The following MIR2052HG variants were observed in gnomAD, a reference collection of about 807,000 sequenced individuals.
MIR2052HG encodes MIR2052 host gene.
intron 2 of MIR2052HG, among the ~76,000 whole-genome samples, chr8:74,623,624 A>G (rs1808397235): frequency 1.3e-5 from 2 of 152,230 alleles, no homozygotes; most frequent in South Asian, 4.1e-4. Context: ...TCAGGTACTA[A>G]CATAAAACTT....
intron 2 of MIR2052HG, among the ~76,000 whole-genome samples, chr8:74,624,387 A>G (rs1436717132): frequency 6.6e-6 from 1 of 152,218 alleles, no homozygotes; most frequent in Admixed American, 6.5e-5. Context: ...GTTTGATCAG[A>G]TTGACTTTCT....
chr8:74,725,374 C>T (rs1809623094), intron 4 of MIR2052HG, among the ~76,000 whole-genome samples: 1 of 152,128 alleles, frequency 6.6e-6, no homozygotes, highest in African/African-American at 2.4e-5. Flanking sequence ...TAACCTGCAA[C>T]CTTGTATGAT....
intron 4 of MIR2052HG, among the ~76,000 whole-genome samples, chr8:74,737,886 G>T (rs1809783991): frequency 6.6e-6 from 1 of 152,134 alleles, no homozygotes; most frequent in Admixed American, 6.6e-5. Context: ...TAGTGAGACA[G>T]CTTTACCTAC....
intron 2 of MIR2052HG, chr8:74,628,993 G>C (rs984912341): frequency 1.3e-5 from 2 of 152,166 alleles, no homozygotes; most frequent in African/African-American, 4.8e-5. Flanking sequence ...AAATTGTGAA[G>C]GCTTTTTAAA....
At chr8:74,674,000 A>AT (rs1283532827) in intron 2 of MIR2052HG, among the ~76,000 whole-genome samples, 2 of 149,380 alleles carry the variant, frequency 1.3e-5, no homozygotes, top group East Asian at 3.9e-4. Flanking sequence ...GCCTTTTTTT[A>AT]TGTTTTTTTT....
intron 2 of MIR2052HG, among the ~76,000 whole-genome samples, chr8:74,641,155 A>G (rs1359396476): frequency 6.6e-6 from 1 of 152,220 alleles, no homozygotes; most frequent in Non-Finnish European, 1.5e-5. Flanking sequence ...TTCATTAATT[A>G]TTGAAAATGA....
chr8:74,733,651 C>T (rs1293536558), intron 4 of MIR2052HG, among the ~76,000 whole-genome samples: 4 of 141,848 alleles, frequency 2.8e-5, no homozygotes, highest in South Asian at 2.5e-4. Flanking sequence ...CCTGAGGAAT[C>T]GCCACACTGA....
intron 2 of MIR2052HG, among the ~76,000 whole-genome samples, chr8:74,690,839 C>A (rs1440320685): frequency 6.6e-6 from 1 of 151,778 alleles, no homozygotes; most frequent in Non-Finnish European, 1.5e-5. Flanking sequence ...CCGGTACCCA[C>A]AAGGAGGTGT....
At chr8:74,695,513 A>G (rs1809286477) in intron 2 of MIR2052HG, among the ~76,000 whole-genome samples, 1 of 152,172 alleles carries the variant, frequency 6.6e-6, no homozygotes, top group African/African-American at 2.4e-5. Flanking sequence ...AGGATGCAGA[A>G]TGGCAGAATA....
intron 3 of MIR2052HG, chr8:74,702,489 C>A: frequency 2.3e-6 from 1 of 441,764 alleles, no homozygotes; most frequent in East Asian, 7.2e-5. Context: ...TTGCCTGTAC[C>A]TCAATGTCTG....
chr8:74,725,539 A>G (rs1369136884), intron 4 of MIR2052HG, among the ~76,000 whole-genome samples: 2 of 152,206 alleles, frequency 1.3e-5, no homozygotes, highest in Admixed American at 6.6e-5. Flanking sequence ...CATAGATGCC[A>G]GGCACTGGAA....
intron 2 of MIR2052HG, among the ~76,000 whole-genome samples, chr8:74,645,955 A>G (rs187403848): frequency 6.6e-6 from 1 of 152,260 alleles, no homozygotes; most frequent in Admixed American, 6.5e-5. Context: ...TTTTTCATCA[A>G]TGACCCCTAT....
At chr8:74,603,702 C>T (rs1808060349) in intron 1 of MIR2052HG, 2 of 946,078 alleles carry the variant, frequency 2.1e-6, no homozygotes, top group Non-Finnish European at 3.5e-6. Context: ...AGCTGGAAGG[C>T]TTGAGCTGGT....
At chr8:74,648,499 T>C (rs892191263) in intron 2 of MIR2052HG, among the ~76,000 whole-genome samples, 1 of 152,178 alleles carries the variant, frequency 6.6e-6, no homozygotes, top group African/African-American at 2.4e-5. Context: ...CCTTGAAGCA[T>C]GTGATCTTTG....
chr8:74,701,312 A>G (rs1339603127), intron 2 of MIR2052HG, among the ~76,000 whole-genome samples: 2 of 152,134 alleles, frequency 1.3e-5, no homozygotes, highest in Non-Finnish European at 2.9e-5. Context: ...TATTGAATAG[A>G]TGGATATTAG....
At chr8:74,613,325 C>G (rs1404750670) in intron 2 of MIR2052HG, among the ~76,000 whole-genome samples, 1 of 152,240 alleles carries the variant, frequency 6.6e-6, no homozygotes, top group East Asian at 1.9e-4. Context: ...CTATAATATT[C>G]TTGATATTCA....
intron 2 of MIR2052HG, among the ~76,000 whole-genome samples, chr8:74,627,033 T>C (rs1477692556): frequency 6.6e-6 from 1 of 152,260 alleles, no homozygotes; most frequent in African/African-American, 2.4e-5. Flanking sequence ...GCTTCTGTCA[T>C]GTCCTTTAAC....
intron 2 of MIR2052HG, among the ~76,000 whole-genome samples, chr8:74,682,826 G>A (rs1316925375): frequency 6.6e-6 from 1 of 151,838 alleles, no homozygotes; most frequent in Admixed American, 6.6e-5. Context: ...TTTAGTAGAA[G>A]GATTGTTACA....
At chr8:74,603,456 T>G (rs878950300) in intron 1 of MIR2052HG, 44 of 1,606,426 alleles carry the variant, frequency 2.7e-5, no homozygotes, top group South Asian at 5.5e-5. Flanking sequence ...GGATCTCATT[T>G]ATTTTGGCGC....
Sources: gnomAD v4.1 joint callset for allele counts (sites outside exome capture counted in the v4.1 genomes callset) on GRCh38, gnomAD v4.1.1 for gene constraint, MANE v1.5 for transcripts, NCBI Gene and HGNC (gene_info 2026-07-23, HGNC 2026-07-21) for gene names.